The following CHRM5 variants were observed in gnomAD, a reference collection of about 807,000 sequenced individuals.
CHRM5 encodes muscarinic acetylcholine receptor M5.
CHRM5 carries 18 observed loss-of-function variants against 39.0 expected under a neutral mutation model. The ratio of observed to expected loss-of-function variants is 0.46; its 90% CI spans 0.32 to 0.68. The LOEUF (loss-of-function observed/expected upper bound fraction) is 0.68. CHRM5 is among the 30% of genes least tolerant of loss of function. The pLI is 0.04. For synonymous variants in CHRM5, 241 were observed against 246.3 expected (o/e 0.98, Z 0.20); for missense variants, 515 against 651.1 (o/e 0.79, Z 2.28).
rs75087465 is a variant in CHRM5, at chr15:34,009,197, T to C, written c.-407-37343T>C. On this transcript the variant is annotated intron_variant, in intron 1 of 2. Transcript: ENST00000383263. Reference sequence around the variant, plus strand: ...CAAAAGTGAGGGTGAAAAAAAGACATTCCCAGATAAACAAAACGTAAGAAA... The same window carrying C: ...CAAAAGTGAGGGTGAAAAAAAGACACTCCCAGATAAACAAAACGTAAGAAA... Among the ~76,000 whole-genome samples, 1,512 of 152,132 alleles carry C rather than the reference T, an allele frequency of 9.9e-3. 35 individuals are homozygous for C. The highest frequency in any genetic ancestry group is 0.035 in the African/African-American group (1,444 of 41,508).
chr15:33,986,195 C>T (rs897814846), intron 1 of CHRM5, among the ~76,000 whole-genome samples: 4 of 151,974 alleles, frequency 2.6e-5, no homozygotes, highest in African/African-American at 9.7e-5. Context: ...CAAGCTCTGC[C>T]TCCCGGGTTC....
intron 1 of CHRM5, among the ~76,000 whole-genome samples, chr15:34,029,806 TAA>T (rs1234316357): frequency 6.6e-6 from 1 of 152,200 alleles, no homozygotes; most frequent in Non-Finnish European, 1.5e-5. Context: ...TTTAATAATA[TAA>T]GACTAATCTT....
At chr15:33,999,323 C>T (rs2018672) in intron 1 of CHRM5, among the ~76,000 whole-genome samples, 26,848 of 152,156 alleles carry the variant, frequency 0.18, 3,242 homozygotes, top group African/African-American at 0.34. Context: ...ACATCTCTGC[C>T]GCTACTTGCC....
chr15:34,009,925 G>T (rs900451774), intron 1 of CHRM5, among the ~76,000 whole-genome samples: 2 of 152,074 alleles, frequency 1.3e-5, no homozygotes, highest in African/African-American at 4.8e-5. Flanking sequence ...TCATGACACT[G>T]TACTCCAGCC....
chr15:34,005,610 T>C (rs1897307628), intron 1 of CHRM5, among the ~76,000 whole-genome samples: 1 of 152,158 alleles, frequency 6.6e-6, no homozygotes, highest in African/African-American at 2.4e-5. Flanking sequence ...ACCACAGGGT[T>C]TGGATAATGA....
chr15:33,985,372 A>AGT, intron 1 of CHRM5, among the ~76,000 whole-genome samples: 1 of 150,698 alleles, frequency 6.6e-6, no homozygotes, highest in East Asian at 2.0e-4. Flanking sequence ...CACTGAGCTG[A>AGT]GTGTTCCTTT....
chr15:33,977,382 TATC>T (rs1895930166), intron 1 of CHRM5, among the ~76,000 whole-genome samples: 2 of 152,164 alleles, frequency 1.3e-5, no homozygotes, highest in Non-Finnish European at 2.9e-5. Flanking sequence ...ATCCTCCCCT[TATC>T]ATCTCCTCCT....
chr15:34,040,452 A>C (rs1385779081), intron 1 of CHRM5, among the ~76,000 whole-genome samples: 1 of 152,194 alleles, frequency 6.6e-6, no homozygotes, highest in Non-Finnish European at 1.5e-5. Flanking sequence ...AAGGATTGTC[A>C]ACTCCAGAGA....
chr15:34,053,113 A>G (rs1271736518), intron 2 of CHRM5, among the ~76,000 whole-genome samples: 1 of 151,636 alleles, frequency 6.6e-6, no homozygotes, highest in Non-Finnish European at 1.5e-5. Context: ...GAGCCTAGCC[A>G]ATATGGTGAA....
chr15:34,024,809 C>T (rs1335354450), intron 1 of CHRM5, among the ~76,000 whole-genome samples: 2 of 149,018 alleles, frequency 1.3e-5, no homozygotes, highest in East Asian at 2.0e-4. Context: ...TGCAGTGAGC[C>T]GAGATCGTGC....
At chr15:34,047,872 C>T (rs1899769575) in intron 2 of CHRM5, among the ~76,000 whole-genome samples, 1 of 152,118 alleles carries the variant, frequency 6.6e-6, no homozygotes, top group African/African-American at 2.4e-5. Flanking sequence ...CCTCAGCCTC[C>T]CGCACCCTGT....
intron 1 of CHRM5, among the ~76,000 whole-genome samples, chr15:34,003,462 T>G (rs543024690): frequency 2.0e-5 from 3 of 152,322 alleles, no homozygotes; most frequent in African/African-American, 7.2e-5. Context: ...TCTCTAAAAT[T>G]TATCCCTATG....
In CHRM5 at chr15:34,045,976, T is replaced by C. The variant is rs888479068; in HGVS notation, c.-407-564T>C. Among the ~76,000 whole-genome samples the C allele has an allele frequency of 5.9e-5, 9 of 152,308 alleles. 1 individual carries two copies. In the South Asian group the frequency reaches 1.7e-3, roughly 28 times the overall value. On this transcript the variant is annotated intron_variant, in intron 1 of 2. Coordinates refer to ENST00000383263, the MANE Select transcript of CHRM5 (RefSeq NM_012125.4). ...ACCTGAGATGATTACTGCTCTCTCTTAATGCTGGTATCCTAAAAATAAACA... is the reference window on the plus strand; with the variant it reads ...ACCTGAGATGATTACTGCTCTCTCTCAATGCTGGTATCCTAAAAATAAACA...
At chr15:34,043,183 C>T (rs2140809074) in intron 1 of CHRM5, among the ~76,000 whole-genome samples, 1 of 150,568 alleles carries the variant, frequency 6.6e-6, no homozygotes, top group African/African-American at 2.4e-5. Flanking sequence ...GGAGGCAGAG[C>T]TTGCAGTGAG....
chr15:34,055,838 A>T (rs1900126844), intron 2 of CHRM5, among the ~76,000 whole-genome samples: 2 of 152,088 alleles, frequency 1.3e-5, no homozygotes, highest in Admixed American at 1.3e-4. Context: ...ATAAACAAAT[A>T]AATAAAATGT....
chr15:33,975,107 T>G (rs1341609035), intron 1 of CHRM5, among the ~76,000 whole-genome samples: 2 of 152,210 alleles, frequency 1.3e-5, no homozygotes, highest in Admixed American at 1.3e-4. Flanking sequence ...CCTGGTTGGG[T>G]TGAGACAGAA....
Position 34,062,924 on chromosome 15 carries a change from G to T in CHRM5, c.207G>T (p.Leu69=), listed in dbSNP as rs754169144. ...TCAAGACAGTTAACAACTATTACCT[G>T]CTCAGCTTAGCCTGTGCAGATCTCA... ...SQLKTVNNYY[L]LSLACADLII... Residue 69 remains leucine (L), a synonymous_variant, in exon 3 of 3, where the codon CTG becomes CTT. Coordinates refer to ENST00000383263, the MANE Select transcript of CHRM5 (RefSeq NM_012125.4). The T allele has an allele frequency of 1.2e-6, 2 of 1,614,138 alleles. No individual in the cohort carries two copies. Among genetic ancestry groups the T allele is most frequent in the Admixed American group, 3.3e-5 (2 of 60,016 alleles).
At chr15:34,042,077 A>T (rs1475967857) in intron 1 of CHRM5, among the ~76,000 whole-genome samples, 1 of 152,226 alleles carries the variant, frequency 6.6e-6, no homozygotes, top group African/African-American at 2.4e-5. Context: ...GATACGGTAT[A>T]TGCTGTCCTC....
At chr15:34,041,605 C>T (rs113155309) in intron 1 of CHRM5, among the ~76,000 whole-genome samples, 2 of 152,180 alleles carry the variant, frequency 1.3e-5, no homozygotes, top group Non-Finnish European at 2.9e-5. Context: ...CAGTGTAAGA[C>T]TCAGTAACAC....
Sources: allele counts gnomAD v4.1 joint callset (sites outside exome capture counted in the v4.1 genomes callset), GRCh38; gene constraint gnomAD v4.1.1; transcripts MANE v1.5; gene names NCBI Gene and HGNC (gene_info 2026-07-23, HGNC 2026-07-21).